Variants in RABEP1 observed in about 807,000 individuals in gnomAD.
RABEP1 encodes rab GTPase-binding effector protein 1.
In RABEP1, 51 loss-of-function variants were observed where a neutral mutation model predicts 123.4. That is an observed-to-expected ratio of 0.41 (90% CI 0.33 to 0.52). The LOEUF is 0.52. RABEP1 is among the 20% of genes least tolerant of loss of function. The probability of loss-of-function intolerance (pLI) is 0.16; values close to 1 mark genes in which losing one functional copy is unlikely to be tolerated. For synonymous variants in RABEP1, 347 were observed against 355.2 expected, an observed-to-expected ratio of 0.98 and a Z score of 0.26; for missense variants, 888 against 996.3, an observed-to-expected ratio of 0.89 and a Z score of 1.46.
At chr17:5,308,142 A>G (rs2075198011) in intron 1 of RABEP1, among the ~76,000 whole-genome samples, 1 of 151,958 alleles carries the variant, frequency 6.6e-6, no homozygotes, top group African/African-American at 2.4e-5. Context: ...TTTGTGGGGA[A>G]GTTGGCCTTA....
chr17:5,282,564 G>C (rs1220168012), intron 1 of RABEP1, 44 bp downstream of exon 1: 1 of 1,126,468 alleles, frequency 8.9e-7, no homozygotes, highest in Non-Finnish European at 1.1e-6. Context: ...CGGCCTGCCC[G>C]GCGTCGGCGT....
rs1318164391 is a variant in RABEP1, at chr17:5,282,447, TC to T, written c.-36del. The T allele has an allele frequency of 7.5e-6, 10 of 1,332,262 alleles. No individual in the cohort carries two copies. Among genetic ancestry groups the T allele is most frequent in the Non-Finnish European group, 9.7e-6 (10 of 1,027,084 alleles). The allele number at this position is 1,332,262 out of a possible 1,614,324, so 82.5% of individuals were successfully genotyped here. A position where few individuals can be genotyped will look rare whatever the true frequency, so the allele number is the denominator to read the frequency against. ...GCCCGCGGGAGCCCAGGACGCCGCTTCCCCGCCCATCCCCGCTCCCCGAGGC... is the reference window on the plus strand; with the variant it reads ...GCCCGCGGGAGCCCAGGACGCCGCTTCCCGCCCATCCCCGCTCCCCGAGGC... On this transcript the variant is annotated 5_prime_UTR_variant, in exon 1 of 18. Coordinates refer to ENST00000537505, the MANE Select transcript of RABEP1 (RefSeq NM_004703.6).
intron 5 of RABEP1, 145 bp downstream of exon 5, chr17:5,338,283 CG>C: frequency 9.3e-7 from 1 of 1,074,760 alleles, no homozygotes; most frequent in East Asian, 3.2e-5. Flanking sequence ...AAAAAACTGC[CG>C]GGCGAGGTGG....
At chr17:5,370,345 G>A (rs1910430730) in intron 12 of RABEP1, among the ~76,000 whole-genome samples, 1 of 152,198 alleles carries the variant, frequency 6.6e-6, no homozygotes, top group Admixed American at 6.5e-5. Context: ...GAGTTGTTCT[G>A]CATCGCTACA....
chr17:5,303,391 A>G (rs2075153122), intron 1 of RABEP1, among the ~76,000 whole-genome samples: 1 of 152,034 alleles, frequency 6.6e-6, no homozygotes, highest in Admixed American at 6.6e-5. Context: ...ACAGGCACGC[A>G]CTATCACGTC....
intron 3 of RABEP1, among the ~76,000 whole-genome samples, chr17:5,334,666 C>T (rs1242614348): frequency 1.3e-5 from 2 of 152,128 alleles, no homozygotes; most frequent in Non-Finnish European, 1.5e-5. Context: ...CTATGCCCGG[C>T]CACGTTTTAA....
chr17:5,331,029 T>A (rs1906491309), intron 2 of RABEP1, among the ~76,000 whole-genome samples: 1 of 91,896 alleles, frequency 1.1e-5, no homozygotes, highest in Non-Finnish European at 2.0e-5. Flanking sequence ...TCTCTTAACT[T>A]TTTTTTTTTT....
intron 10 of RABEP1, 56 bp downstream of exon 10, chr17:5,363,072 G>T: frequency 7.6e-7 from 1 of 1,315,372 alleles, no homozygotes; most frequent in Non-Finnish European, 1.1e-6. Context: ...TGGAGGTGCA[G>T]AATTAATTGC....
chr17:5,342,553 C>T (rs1907706502), intron 5 of RABEP1, among the ~76,000 whole-genome samples: 1 of 152,156 alleles, frequency 6.6e-6, no homozygotes, highest in African/African-American at 2.4e-5. Context: ...TTGCAGTGAG[C>T]TGAGGTCGTG....
Position 5,299,723 on chromosome 17 carries a change from T to TC in RABEP1, c.35-8971_35-8970insC, listed in dbSNP as rs1471925348. On this transcript the variant is annotated intron_variant, in intron 1 of 17. Transcript: ENST00000537505. ...TTCTTTTTCTTTTTTTCTTTTCTTT[T>TC]TCTTTTTCTTTTTTTTTTTTTTTTG... 3.1e-3 allele frequency among the ~76,000 whole-genome samples: 325 copies of TC among 105,306 alleles called. 10 individuals are homozygous for TC. Among genetic ancestry groups the TC allele is most frequent in the East Asian group, 6.9e-3 (11 of 1,598 alleles). 69.1% of individuals were successfully genotyped at this position (105,306 alleles called of 152,430 possible).
chr17:5,369,744 A>G (rs1910376119), intron 12 of RABEP1, among the ~76,000 whole-genome samples: 1 of 149,284 alleles, frequency 6.7e-6, no homozygotes, highest in Admixed American at 6.7e-5. Flanking sequence ...TTTGTTGCCT[A>G]GGCTGGAGTG....
intron 3 of RABEP1, among the ~76,000 whole-genome samples, chr17:5,334,888 AGCTT>A (rs1567529602): frequency 1.3e-5 from 2 of 152,172 alleles, no homozygotes; most frequent in Non-Finnish European, 2.9e-5. Flanking sequence ...TTCGAATTCT[AGCTT>A]TGCTTCATTC....
intron 15 of RABEP1, among the ~76,000 whole-genome samples, chr17:5,379,608 C>G (rs528201157): frequency 6.6e-6 from 1 of 152,144 alleles, no homozygotes; most frequent in Non-Finnish European, 1.5e-5. Flanking sequence ...CAGAAATTAC[C>G]AGCGCTCGAA....
chr17:5,323,874 C>A (rs1171618292), intron 2 of RABEP1, among the ~76,000 whole-genome samples: 24 of 93,490 alleles, frequency 2.6e-4, no homozygotes, highest in African/African-American at 6.9e-4. Flanking sequence ...ATATATATAT[C>A]TAGGAATCAA....
chr17:5,339,485 C>G (rs9892941), intron 5 of RABEP1, among the ~76,000 whole-genome samples: 93,781 of 151,988 alleles, frequency 0.62, 30,729 homozygotes, highest in East Asian at 0.97. Context: ...CTCCAGTCTA[C>G]GTGATAGAGT....
At chr17:5,291,490 C>T (rs1367497364) in intron 1 of RABEP1, among the ~76,000 whole-genome samples, 2 of 152,204 alleles carry the variant, frequency 1.3e-5, no homozygotes, top group South Asian at 2.1e-4. Flanking sequence ...TTTATATCTA[C>T]AAATAAAAAT....
At chr17:5,284,016 T>C (rs1013430872) in intron 1 of RABEP1, 1 of 152,224 alleles carries the variant, frequency 6.6e-6, no homozygotes, top group Admixed American at 6.5e-5. Context: ...AATCCCACTT[T>C]GTTACTGCAC....
intron 2 of RABEP1, among the ~76,000 whole-genome samples, chr17:5,327,740 T>A (rs1411144681): frequency 6.6e-6 from 1 of 152,198 alleles, no homozygotes; most frequent in Middle Eastern, 3.2e-3. Context: ...CTTTTTCTTA[T>A]GTAAACATTT....
chr17:5,335,663 C>T (rs1907005620), intron 4 of RABEP1, among the ~76,000 whole-genome samples: 1 of 152,146 alleles, frequency 6.6e-6, no homozygotes, highest in South Asian at 2.1e-4. Context: ...TTTCTCTTTC[C>T]ATAGCACATA....
Sources: gnomAD v4.1 joint callset for allele counts (sites outside exome capture counted in the v4.1 genomes callset) on GRCh38, gnomAD v4.1.1 for gene constraint, MANE v1.5 for transcripts, NCBI Gene and HGNC (gene_info 2026-07-23, HGNC 2026-07-21) for gene names.